Variants in TRPM3 observed in about 807,000 individuals in gnomAD.
The protein encoded by TRPM3 is long transient receptor potential channel 3.
Under a neutral mutation model 181.2 loss-of-function variants are expected in TRPM3, and 77 were observed. That is an observed-to-expected ratio of 0.42 (90% CI 0.35 to 0.51). The LOEUF (loss-of-function observed/expected upper bound fraction) is 0.51. TRPM3 is among the 20% of genes least tolerant of loss of function. The pLI is 0.01. For synonymous variants in TRPM3, 745 were observed against 796.4 expected, an observed-to-expected ratio of 0.94 and a Z score of 1.09; for missense variants, 1,759 against 2,196.7, an observed-to-expected ratio of 0.80 and a Z score of 3.98.
chr9:71,287,623 G>A (rs2085407876), intron 1 of TRPM3, among the ~76,000 whole-genome samples: 1 of 146,632 alleles, frequency 6.8e-6, no homozygotes, highest in Admixed American at 6.8e-5. Context: ...ATTACAGAAT[G>A]TGTCATTTAC....
intron 1 of TRPM3, among the ~76,000 whole-genome samples, chr9:71,367,597 C>T (rs1255029711): frequency 6.6e-6 from 1 of 152,092 alleles, no homozygotes; most frequent in Non-Finnish European, 1.5e-5. Flanking sequence ...CATTTAGTAA[C>T]CAATCTCTCC....
At chr9:70,556,201 C>T (rs1296490316) in intron 22 of TRPM3, among the ~76,000 whole-genome samples, 1 of 151,718 alleles carries the variant, frequency 6.6e-6, no homozygotes, top group Non-Finnish European at 1.5e-5. Flanking sequence ...CTCAAAGGCC[C>T]TCACTAATTA....
chr9:71,276,689 T>C (rs2084238965), intron 1 of TRPM3, among the ~76,000 whole-genome samples: 1 of 152,150 alleles, frequency 6.6e-6, no homozygotes, highest in Admixed American at 6.5e-5. Flanking sequence ...GCAAAGAGGG[T>C]GTTCATCCAT....
In TRPM3 at chr9:71,279,299, G is replaced by GA. The variant is rs578223097; in HGVS notation, c.183+167353dup. Among the ~76,000 whole-genome samples, 15 of 151,270 alleles carry GA rather than the reference G, an allele frequency of 9.9e-5. 2 individuals are homozygous for GA. In the South Asian group the frequency reaches 1.7e-3, roughly 17 times the overall value. On this transcript the variant is annotated intron_variant, in intron 1 of 24. Transcript: ENST00000357533. ...ATCCACTGGGTAGAAAATATACTAT[G>GA]AAAAAAAAATCTCCAAATACGGATA...
At chr9:70,918,879 G>C (rs553821262) in intron 1 of TRPM3, among the ~76,000 whole-genome samples, 1 of 151,888 alleles carries the variant, frequency 6.6e-6, no homozygotes, top group South Asian at 2.1e-4. Context: ...CTCCATTTGG[G>C]AAAGCCAGAG....
At chr9:71,171,674 C>T (rs896706068) in intron 1 of TRPM3, among the ~76,000 whole-genome samples, 6 of 152,020 alleles carry the variant, frequency 3.9e-5, no homozygotes, top group Non-Finnish European at 2.9e-5. Context: ...TGAGGAAAAG[C>T]ACAGGGTGTG....
At chr9:71,292,312 T>C (rs1000710199) in intron 1 of TRPM3, among the ~76,000 whole-genome samples, 2 of 150,458 alleles carry the variant, frequency 1.3e-5, no homozygotes, top group African/African-American at 4.9e-5. Flanking sequence ...AAAATAACAA[T>C]CAAAAGCTGA....
At chr9:70,969,259 C>T (rs2097214729) in intron 1 of TRPM3, among the ~76,000 whole-genome samples, 1 of 151,664 alleles carries the variant, frequency 6.6e-6, no homozygotes. Context: ...GAACATCACA[C>T]ACCAGGGCCT....
At chr9:70,692,804 C>T (rs2134475432) in intron 8 of TRPM3, among the ~76,000 whole-genome samples, 1 of 152,340 alleles carries the variant, frequency 6.6e-6, no homozygotes, top group East Asian at 1.9e-4. Flanking sequence ...ATGGCTTATG[C>T]AGTGCAGTGC....
chr9:70,830,719 T>C (rs2093836114), intron 5 of TRPM3, among the ~76,000 whole-genome samples: 1 of 152,240 alleles, frequency 6.6e-6, no homozygotes, highest in African/African-American at 2.4e-5. Flanking sequence ...TCAGTTTTGC[T>C]AATGACTGTG....
intron 1 of TRPM3, among the ~76,000 whole-genome samples, chr9:70,898,120 T>C (rs1191075008): frequency 2.3e-5 from 3 of 131,776 alleles, no homozygotes. Flanking sequence ...CAATAAATTG[T>C]TTTTTTTTTT....
At chr9:70,982,847 C>T (rs7849215) in intron 1 of TRPM3, among the ~76,000 whole-genome samples, 41,736 of 151,686 alleles carry the variant, frequency 0.28, 5,671 homozygotes, top group Admixed American at 0.3. Context: ...ATTACAGGTG[C>T]CCGCCACCAC....
intron 21 of TRPM3, 84 bp from the exon 22 acceptor site, chr9:70,591,289 C>T (rs762832597): frequency 3.9e-4 from 474 of 1,217,846 alleles, no homozygotes; most frequent in Non-Finnish European, 5.4e-4. Flanking sequence ...ATGATGGGAA[C>T]CTTTGGAGGA....
intron 22 of TRPM3, among the ~76,000 whole-genome samples, chr9:70,572,896 C>T (rs564967791): frequency 4.6e-5 from 7 of 152,250 alleles, no homozygotes; most frequent in African/African-American, 7.2e-5. Flanking sequence ...AAGCCCTGAA[C>T]GGGCTTGTTC....
intron 1 of TRPM3, among the ~76,000 whole-genome samples, chr9:71,072,789 C>A (rs757082307): frequency 2.0e-5 from 3 of 152,200 alleles, no homozygotes; most frequent in Non-Finnish European, 2.9e-5. Flanking sequence ...CAAACTGCAT[C>A]TGCTGCCCAC....
At chr9:71,067,222 G>T (rs1696398689) in intron 1 of TRPM3, among the ~76,000 whole-genome samples, 1 of 140,910 alleles carries the variant, frequency 7.1e-6, no homozygotes, top group South Asian at 2.3e-4. Context: ...TATTTTCAAA[G>T]AATTTTTTTT....
chr9:70,788,970 C>T (rs1281881782), intron 6 of TRPM3, among the ~76,000 whole-genome samples: 4 of 152,146 alleles, frequency 2.6e-5, no homozygotes, highest in East Asian at 3.9e-4. Flanking sequence ...GGCCTGGCTC[C>T]TAATAGGACA....
chr9:70,797,382 G>A (rs181307797), intron 6 of TRPM3, among the ~76,000 whole-genome samples: 1 of 152,228 alleles, frequency 6.6e-6, no homozygotes, highest in African/African-American at 2.4e-5. Flanking sequence ...TCACTTAACT[G>A]CTAGCTGTCA....
At chr9:70,618,756 C>G in intron 17 of TRPM3, 111 bp downstream of exon 17, 1 of 885,696 alleles carries the variant, frequency 1.1e-6, no homozygotes, top group Non-Finnish European at 1.8e-6. Context: ...GGATTTAGAA[C>G]CTCCCTCCTG....
Sources: allele counts gnomAD v4.1 joint callset (sites outside exome capture counted in the v4.1 genomes callset), GRCh38; gene constraint gnomAD v4.1.1; transcripts MANE v1.5; gene names NCBI Gene and HGNC (gene_info 2026-07-23, HGNC 2026-07-21).